WDFY3: variants seen among roughly 807,000 people sequenced by gnomAD.
WDFY3 encodes WD repeat and FYVE domain containing 3, also known as WD repeat and FYVE domain-containing protein 3.
WDFY3 carries 66 observed loss-of-function variants against 409.6 expected under a neutral mutation model. The ratio of observed to expected loss-of-function variants is 0.16; its 90% CI spans 0.13 to 0.20. The LOEUF is 0.20. WDFY3 is among the 10% of genes least tolerant of loss of function. WDFY3 has a pLI of 1.00. For missense variants in WDFY3, 3,031 were observed against 4,298.1 expected, an observed-to-expected ratio of 0.71 and a Z score of 8.24; for synonymous variants, 1,521 against 1,537.1, an observed-to-expected ratio of 0.99 and a Z score of 0.25.
intron 8 of WDFY3, among the ~76,000 whole-genome samples, chr4:84,829,503 C>T (rs1459274576): frequency 6.6e-6 from 1 of 151,954 alleles, no homozygotes; most frequent in African/African-American, 2.4e-5. Context: ...TATTTTTGAT[C>T]TTTTATATTG....
At chr4:84,926,790 C>T (rs905238097) in intron 2 of WDFY3, among the ~76,000 whole-genome samples, 1 of 152,148 alleles carries the variant, frequency 6.6e-6, no homozygotes, top group Non-Finnish European at 1.5e-5. Flanking sequence ...CTTAAACCTT[C>T]CCCTTTGCCA....
Position 84,798,099 on chromosome 4 carries a change from T to C in WDFY3, c.2832A>G (p.Leu944=), listed in dbSNP as rs755108628. The C allele has an allele frequency of 7.4e-5, 120 of 1,611,742 alleles. No homozygotes were observed. The highest frequency in any genetic ancestry group is 5.9e-6 in the Non-Finnish European group (7 of 1,179,158). ...ALEPMVLREF[L]RLASPLNCGA... ...CACAATTTAAAGGACTTGCCAAACGTAAAAACTCCCTAAGAAAGAGACAAA... is the reference window on the plus strand; with the variant it reads ...CACAATTTAAAGGACTTGCCAAACGCAAAAACTCCCTAAGAAAGAGACAAA... The change falls in exon 18 of 68, where the codon TTA becomes TTG. Residue 944 remains leucine (L), a synonymous_variant. Coordinates refer to ENST00000295888, the MANE Select transcript of WDFY3 (RefSeq NM_014991.6).
intron 35 of WDFY3, among the ~76,000 whole-genome samples, chr4:84,752,793 A>C (rs1219511858): frequency 6.6e-6 from 1 of 152,134 alleles, no homozygotes; most frequent in East Asian, 1.9e-4. Flanking sequence ...AACATCATGA[A>C]ATTTTGAAGT....
intron 34 of WDFY3, 30 bp from the exon 35 acceptor site, chr4:84,753,906 T>C (rs752734265): frequency 9.8e-6 from 15 of 1,529,066 alleles, no homozygotes; most frequent in Admixed American, 9.1e-5. Flanking sequence ...GGAAACACTA[T>C]GTTACAGTTA....
At chr4:84,820,854 C>T (rs1753954782) in intron 11 of WDFY3, among the ~76,000 whole-genome samples, 1 of 152,042 alleles carries the variant, frequency 6.6e-6, no homozygotes, top group African/African-American at 2.4e-5. Flanking sequence ...TTTTACCTTC[C>T]TTTAAACTCT....
chr4:84,716,947 A>G lies in WDFY3; in HGVS notation c.7824T>C (p.Ile2608=), dbSNP rs1734047017. Residue 2608 remains isoleucine (I), a synonymous_variant, in exon 49 of 68, where the codon ATT becomes ATC. Transcript: ENST00000295888. ...GPSQLKRTCS[I]FAYEDIKEVH... is the part of the protein sequence containing the mutation. ...CTTCCTTGATATCTTCATATGCAAA[A>G]ATGCTGCATGTTCTCTTGAGTTGAC... 1 of 1,608,112 alleles carries G rather than the reference A, an allele frequency of 6.2e-7. No homozygotes were observed. The highest frequency in any genetic ancestry group is 1.1e-5 in the South Asian group (1 of 90,226).
At chr4:84,962,509 T>C (rs1016886574) in intron 1 of WDFY3, among the ~76,000 whole-genome samples, 2 of 152,186 alleles carry the variant, frequency 1.3e-5, no homozygotes, top group African/African-American at 4.8e-5. Flanking sequence ...GACTGACTCA[T>C]GACAGGGCAT....
intron 7 of WDFY3, among the ~76,000 whole-genome samples, chr4:84,833,428 C>A (rs1756051290): frequency 6.6e-6 from 1 of 152,026 alleles, no homozygotes; most frequent in Non-Finnish European, 1.5e-5. Flanking sequence ...GTAATCCTAG[C>A]ACTTTGGGAG....
Position 84,787,645 on chromosome 4 carries a change from A to G in WDFY3, c.3738T>C (p.Tyr1246=). 1 of 1,614,208 alleles carries G rather than the reference A, an allele frequency of 6.2e-7. No individual in the cohort carries two copies. The highest frequency in any genetic ancestry group is 1.1e-5 in the South Asian group (1 of 91,080). ...GGGCAGGTGGAGTACCAATGTAGGC[A>G]TAGACCGTGCTCACCACTGGTGGAT... ...SANPPVVSTV[Y]AYIGTPPAQR... is the part of the protein sequence containing the mutation. The change falls in exon 23 of 68, where the codon TAT becomes TAC. Residue 1246 remains tyrosine (Y), a synonymous_variant. Transcript: ENST00000295888.
At position 84,703,094 on chromosome 4, in the gene WDFY3, C is replaced by CA. The variant is rs766684218; in HGVS notation, c.8443-589dup. Among the ~76,000 whole-genome samples the CA allele has an allele frequency of 7.7e-3, 833 of 107,490 alleles. 9 individuals carry two copies. Among genetic ancestry groups the CA allele is most frequent in the East Asian group, 0.024 (87 of 3,646 alleles). The allele number at this position is 107,490 out of a possible 152,430, so 70.5% of individuals were successfully genotyped here. A position where few individuals can be genotyped will look rare whatever the true frequency, so the allele number is the denominator to read the frequency against. ...CCTGGGGGATAGCGAGACTCTGTCT[C>CA]AAAAAAAAAAAAAACCAAACAAACA... On this transcript the variant is annotated intron_variant, in intron 55 of 67. Transcript: ENST00000295888.
Position 84,802,092 on chromosome 4 carries a change from C to T in WDFY3, c.2608-228G>A, listed in dbSNP as rs377637879. On this transcript the variant is annotated intron_variant, in intron 16 of 67. Coordinates refer to ENST00000295888, the MANE Select transcript of WDFY3 (RefSeq NM_014991.6). Reference sequence around the variant, plus strand: ...CCTCCCAAGTAACTGGGATAACAGGCGCCCACCACCACGCCCAGTTAACTT... The same window carrying T: ...CCTCCCAAGTAACTGGGATAACAGGTGCCCACCACCACGCCCAGTTAACTT... Among the ~76,000 whole-genome samples, 358 of 151,696 alleles carry T rather than the reference C, an allele frequency of 2.4e-3. 3 individuals carry two copies. The highest frequency in any genetic ancestry group is 7.9e-3 in the African/African-American group (328 of 41,354).
intron 14 of WDFY3, chr4:84,809,058 T>C (rs1460979237): frequency 1.3e-5 from 2 of 152,194 alleles, no homozygotes; most frequent in Non-Finnish European, 2.9e-5. Flanking sequence ...TTATTTTATG[T>C]AGTAAAACTA....
intron 44 of WDFY3, among the ~76,000 whole-genome samples, chr4:84,732,543 C>T (rs1002684737): frequency 3.3e-5 from 5 of 152,136 alleles, no homozygotes; most frequent in Non-Finnish European, 5.9e-5. Flanking sequence ...CCCCTCACTT[C>T]TTGGCCTCTG....
intron 36 of WDFY3, among the ~76,000 whole-genome samples, chr4:84,744,816 G>GCACT (rs1553934704): frequency 8.1e-6 from 1 of 123,704 alleles, no homozygotes; most frequent in Non-Finnish European, 1.6e-5. Context: ...TCCCGCCACT[G>GCACT]CACTCCAGCC....
chr4:84,933,180 T>C (rs774483918), intron 1 of WDFY3, among the ~76,000 whole-genome samples: 1 of 152,170 alleles, frequency 6.6e-6, no homozygotes, highest in Non-Finnish European at 1.5e-5. Flanking sequence ...GTGTTTTTGT[T>C]ATGTAACTTT....
chr4:84,752,530 CAA>C (rs745752478), intron 35 of WDFY3, among the ~76,000 whole-genome samples: 22 of 68,684 alleles, frequency 3.2e-4, no homozygotes, highest in Admixed American at 8.1e-4. Flanking sequence ...AACCCCGTCT[CAA>C]AAAAAAAAAA....
At chr4:84,745,658 A>G (rs1739304716) in intron 36 of WDFY3, among the ~76,000 whole-genome samples, 1 of 152,200 alleles carries the variant, frequency 6.6e-6, no homozygotes, top group African/African-American at 2.4e-5. Flanking sequence ...TAAGAATTAA[A>G]AGAATACCAG....
intron 13 of WDFY3, among the ~76,000 whole-genome samples, chr4:84,811,880 A>T (rs1560822498): frequency 2.0e-5 from 3 of 152,326 alleles, no homozygotes; most frequent in Admixed American, 6.5e-5. Context: ...CATAAAATTC[A>T]TGTATGTTTC....
Position 84,837,103 on chromosome 4 carries a change from C to A in WDFY3, c.415-13G>T. ...AGTCCACGGTTTTCTGGAAAACAAGCCAATAAATAAGTGAATAGATAGACA... is the reference window on the plus strand; with the variant it reads ...AGTCCACGGTTTTCTGGAAAACAAGACAATAAATAAGTGAATAGATAGACA... On this transcript the variant is annotated splice_polypyrimidine_tract_variant and intron_variant, in intron 6 of 67. Transcript: ENST00000295888. 5.4e-6 allele frequency: 8 copies of A among 1,483,252 alleles called. No individual in the cohort carries two copies. The highest frequency in any genetic ancestry group is 3.0e-5 in the South Asian group (2 of 66,366). 91.9% of individuals were successfully genotyped at this position (1,483,252 alleles called of 1,614,324 possible).
Sources: allele counts gnomAD v4.1 joint callset (sites outside exome capture counted in the v4.1 genomes callset), GRCh38; gene constraint gnomAD v4.1.1; transcripts MANE v1.5; gene names NCBI Gene and HGNC (gene_info 2026-07-23, HGNC 2026-07-21).